The following PPP3CA variants were observed in gnomAD, a reference collection of about 807,000 sequenced individuals.
PPP3CA encodes the protein protein phosphatase 3 catalytic subunit alpha, also known as CAM-PRP catalytic subunit.
A neutral mutation model predicts 66.5 loss-of-function variants in PPP3CA; 14 were observed. That is an observed-to-expected ratio of 0.21 (90% CI 0.14 to 0.33). The LOEUF (loss-of-function observed/expected upper bound fraction) is 0.33, where lower values mean the gene tolerates loss of function less well. Ranked by LOEUF, PPP3CA falls within the 10% of genes least tolerant of loss-of-function variation. The pLI is 1.00. For missense variants in PPP3CA, 317 were observed against 639.5 expected (o/e 0.50, Z 5.44); for synonymous variants, 232 against 226.2 (o/e 1.03, Z -0.23).
intron 2 of PPP3CA, among the ~76,000 whole-genome samples, chr4:101,135,601 C>T (rs1466152722): frequency 6.6e-6 from 1 of 152,128 alleles, no homozygotes; most frequent in Non-Finnish European, 1.5e-5. Context: ...CTCTGGTTCC[C>T]TCCTCTCCCC....
At chr4:101,199,052 C>T (rs774260770) in intron 1 of PPP3CA, among the ~76,000 whole-genome samples, 5 of 152,058 alleles carry the variant, frequency 3.3e-5, no homozygotes, top group East Asian at 1.9e-4. Flanking sequence ...ACAGAGATGC[C>T]GCCAGCCAGT....
intron 1 of PPP3CA, among the ~76,000 whole-genome samples, chr4:101,227,683 T>A (rs985183095): frequency 3.3e-5 from 5 of 151,784 alleles, no homozygotes; most frequent in African/African-American, 1.2e-4. Context: ...ATAAGCACAG[T>A]ACCCAATAGG....
At chr4:101,040,302 A>G (rs1433258495) in intron 11 of PPP3CA, among the ~76,000 whole-genome samples, 180 bp downstream of exon 11, 1 of 152,264 alleles carries the variant, frequency 6.6e-6, no homozygotes, top group Non-Finnish European at 1.5e-5. Flanking sequence ...ATTGCAATTT[A>G]ACTAAAATAG....
chr4:101,042,499 C>A (rs1157789309), intron 10 of PPP3CA, among the ~76,000 whole-genome samples: 1 of 152,106 alleles, frequency 6.6e-6, no homozygotes, highest in Non-Finnish European at 1.5e-5. Context: ...AGTGTCTATC[C>A]ATGTGGGAGA....
intron 1 of PPP3CA, among the ~76,000 whole-genome samples, chr4:101,281,320 A>C (rs999979412): frequency 6.6e-6 from 1 of 152,218 alleles, no homozygotes; most frequent in Non-Finnish European, 1.5e-5. Flanking sequence ...TGGGCTCAGG[A>C]GAAGCTTTAT....
intron 3 of PPP3CA, among the ~76,000 whole-genome samples, chr4:101,107,499 T>G (rs1333614321): frequency 1.3e-5 from 2 of 152,248 alleles, no homozygotes; most frequent in African/African-American, 4.8e-5. Context: ...AGAATTTAAC[T>G]TCTCTTTTGG....
At chr4:101,040,275 C>A (rs1402926905) in intron 11 of PPP3CA, among the ~76,000 whole-genome samples, 2 of 152,052 alleles carry the variant, frequency 1.3e-5, no homozygotes, top group East Asian at 3.9e-4. Flanking sequence ...ACTTTCTTAA[C>A]AGAAATAATT....
intron 9 of PPP3CA, among the ~76,000 whole-genome samples, chr4:101,061,701 T>A (rs1236512297): frequency 6.6e-6 from 1 of 152,082 alleles, no homozygotes; most frequent in Non-Finnish European, 1.5e-5. Flanking sequence ...AGAAATATCA[T>A]TAAATTTGAT....
At chr4:101,208,283 T>C (rs907080931) in intron 1 of PPP3CA, among the ~76,000 whole-genome samples, 1 of 152,148 alleles carries the variant, frequency 6.6e-6, no homozygotes, top group Non-Finnish European at 1.5e-5. Flanking sequence ...ACTCGAACAA[T>C]GGAGTTGTAT....
At chr4:101,043,214 A>C (rs958177348) in intron 10 of PPP3CA, among the ~76,000 whole-genome samples, 4 of 152,158 alleles carry the variant, frequency 2.6e-5, no homozygotes, top group African/African-American at 9.6e-5. Flanking sequence ...AAATAAGTAA[A>C]AAATATATAT....
intron 1 of PPP3CA, among the ~76,000 whole-genome samples, chr4:101,217,861 GC>G (rs1725502404): frequency 6.6e-6 from 1 of 152,018 alleles, no homozygotes; most frequent in Non-Finnish European, 1.5e-5. Context: ...GAAACTGAGG[GC>G]CTGAAATCCT....
intron 2 of PPP3CA, among the ~76,000 whole-genome samples, chr4:101,145,408 A>C (rs1722937932): frequency 1.3e-5 from 2 of 152,222 alleles, no homozygotes; most frequent in African/African-American, 4.8e-5. Context: ...GGATAAAGAA[A>C]ACATGGTACA....
chr4:101,040,605 T>A lies in PPP3CA; in HGVS notation c.1157-39A>T, dbSNP rs755754685. 3 of 1,516,074 alleles carry A rather than the reference T, an allele frequency of 2.0e-6. No individual in the cohort carries two copies. In the African/African-American group the frequency reaches 4.2e-5, roughly 21 times the overall value. The allele number at this position is 1,516,074 out of a possible 1,614,324, so 93.9% of individuals were successfully genotyped here. On this transcript the variant is annotated intron_variant, in intron 10 of 13. Transcript: ENST00000394854. ...CAGAGTTCAGTGGTCAGTAATTTTTTATCTAATTGTAATTGATTTTACACA... is the reference window on the plus strand; with the variant it reads ...CAGAGTTCAGTGGTCAGTAATTTTTAATCTAATTGTAATTGATTTTACACA...
intron 6 of PPP3CA, among the ~76,000 whole-genome samples, chr4:101,091,610 C>T (rs1006898088): frequency 7.3e-5 from 11 of 151,700 alleles, no homozygotes; most frequent in Admixed American, 1.3e-4. Flanking sequence ...TTTTTTCCCC[C>T]ATAAGAAAAC....
intron 1 of PPP3CA, among the ~76,000 whole-genome samples, chr4:101,277,690 G>A (rs1490212869): frequency 5.9e-5 from 9 of 152,134 alleles, no homozygotes; most frequent in Admixed American, 5.9e-4. Context: ...CTATAAATGT[G>A]CATTGGCTTT....
rs577503967 is a variant in PPP3CA, at chr4:101,083,882, C to T, written c.783-619G>A. Among the ~76,000 whole-genome samples the T allele has an allele frequency of 2.0e-5, 3 of 152,288 alleles. No individual in the cohort carries two copies. In the East Asian group the frequency reaches 5.8e-4, roughly 29 times the overall value. ...AACAAAATTATGGATATTCACAAGG[C>T]TTTAGAATTTGTCCTTTAAATATGA... On this transcript the variant is annotated intron_variant, in intron 6 of 13. Coordinates refer to ENST00000394854, the MANE Select transcript of PPP3CA (RefSeq NM_000944.5).
intron 2 of PPP3CA, among the ~76,000 whole-genome samples, chr4:101,151,131 C>T (rs1243770178): frequency 1.3e-5 from 2 of 152,170 alleles, no homozygotes; most frequent in Non-Finnish European, 2.9e-5. Flanking sequence ...TTATAAAGTG[C>T]TACTTCATCA....
intron 12 of PPP3CA, among the ~76,000 whole-genome samples, 166 bp from the exon 13 acceptor site, chr4:101,029,361 A>AAAAAAAAAAAAAAAAAAAAAAAAAC: frequency 1.9e-5 from 2 of 104,508 alleles, no homozygotes; most frequent in African/African-American, 3.3e-5. Flanking sequence ...AAAAAAAAAA[A>AAAAAAAAAAAAAAAAAAAAAAAAAC]AAAAAAAAAA....
intron 1 of PPP3CA, among the ~76,000 whole-genome samples, chr4:101,314,067 A>G (rs1397788402): frequency 6.6e-6 from 1 of 152,202 alleles, no homozygotes; most frequent in Non-Finnish European, 1.5e-5. Flanking sequence ...ACGCATTTGC[A>G]ACTTTCAAAT....
Sources: allele counts gnomAD v4.1 joint callset (sites outside exome capture counted in the v4.1 genomes callset), GRCh38; gene constraint gnomAD v4.1.1; transcripts MANE v1.5; gene names NCBI Gene and HGNC (gene_info 2026-07-23, HGNC 2026-07-21).